L1TD1: variants seen among roughly 807,000 people sequenced by gnomAD.
L1TD1 encodes the protein LINE1 type transposase domain containing 1, also known as LINE-1 type transposase domain-containing protein 1.
In L1TD1, 26 loss-of-function variants were observed where a neutral mutation model predicts 25.7. The ratio of observed to expected loss-of-function variants is 1.01; its 90% CI spans 0.74 to 1.40. L1TD1 has a LOEUF of 1.40. L1TD1 is among the 40% of genes most tolerant of loss of function. L1TD1 has a pLI of 0.00. For synonymous variants in L1TD1, 421 were observed against 335.6 expected (o/e 1.25, Z -2.78); for missense variants, 1,130 against 975.0 (o/e 1.16, Z -2.12).
chr1:62,206,767 G>A lies in L1TD1; in HGVS notation c.139G>A (p.Asp47Asn), dbSNP rs946358546. 2.6e-6 allele frequency: 4 copies of A among 1,558,020 alleles called. No individual in the cohort carries two copies. In the South Asian group the frequency reaches 4.7e-5, roughly 18 times the overall value. ...TCCGGTATTAGATTTAAAATGCAAG[G>A]ACGTATCAGCAATTATGAATAAGTT... The part of the protein sequence containing the change: ...IAPVLDLKCK[D>N]VSAIMNKFKV... Residue 47 changes from aspartate (D) to asparagine (N), a missense_variant, in exon 3 of 4, where the codon GAC becomes AAC. Transcript: ENST00000498273.
intron 2 of L1TD1, among the ~76,000 whole-genome samples, chr1:62,197,400 TATATATATA>T (rs1670563918): frequency 1.4e-4 from 16 of 111,896 alleles, no homozygotes; most frequent in African/African-American, 4.6e-4. Flanking sequence ...AAATAAATTA[TATATATATA>T]TATATATATA....
chr1:62,204,692 GTGCCC>G (rs1283391685), intron 2 of L1TD1, among the ~76,000 whole-genome samples: 2 of 151,826 alleles, frequency 1.3e-5, no homozygotes, highest in African/African-American at 4.8e-5. Context: ...GTGTGGCACC[GTGCCC>G]TGCTTGAAAT....
At chr1:62,197,645 G>C (rs1042825080) in intron 2 of L1TD1, among the ~76,000 whole-genome samples, 1 of 151,916 alleles carries the variant, frequency 6.6e-6, no homozygotes, top group Admixed American at 6.6e-5. Context: ...TTGGGAGGCC[G>C]AGGTGGGCGG....
intron 3 of L1TD1, among the ~76,000 whole-genome samples, chr1:62,209,273 A>C (rs1282905131): frequency 1.3e-5 from 2 of 148,948 alleles, no homozygotes; most frequent in Admixed American, 1.4e-4. Flanking sequence ...GCTAGAGTGT[A>C]AACTGCAATT....
At chr1:62,201,021 C>T (rs940113693) in intron 2 of L1TD1, among the ~76,000 whole-genome samples, 17 of 151,828 alleles carry the variant, frequency 1.1e-4, no homozygotes, top group Non-Finnish European at 2.1e-4. Flanking sequence ...CTCTGTCTAC[C>T]GAGGTCAAGT....
chr1:62,200,083 T>C (rs1670612884), intron 2 of L1TD1, among the ~76,000 whole-genome samples: 1 of 152,180 alleles, frequency 6.6e-6, no homozygotes, highest in Non-Finnish European at 1.5e-5. Context: ...TTATTATGTA[T>C]GGTATAATTT....
At chr1:62,197,292 C>G (rs894923818) in intron 2 of L1TD1, among the ~76,000 whole-genome samples, 2 of 151,096 alleles carry the variant, frequency 1.3e-5, no homozygotes. Context: ...GAGGCTGAGG[C>G]AGGAGAATCG....
chr1:62,210,905 G>C lies in L1TD1; in HGVS notation c.2131G>C (p.Glu711Gln). Residue 711 changes from glutamate (E) to glutamine (Q), a missense_variant, in exon 4 of 4, where the codon GAG (glutamate) becomes CAG (glutamine). Glu to Gln is a conservative substitution (Grantham distance 29). Coordinates refer to ENST00000498273, the MANE Select transcript of L1TD1 (RefSeq NM_019079.5). Reference protein sequence around the residue: ...NIRLIGIPEKESYENRAEDII... With the variant: ...NIRLIGIPEKQSYENRAEDII... ...TCGTTTGATAGGAATTCCAGAAAAG[G>C]AGAGTTATGAGAATAGGGCAGAGGA... 1.3e-6 allele frequency: 2 copies of C among 1,551,404 alleles called. No homozygotes were observed. The highest frequency in any genetic ancestry group is 1.7e-6 in the Non-Finnish European group (2 of 1,146,920).
rs1489570866 is a variant in L1TD1 at position 62,210,842 on chromosome 1, C to T, written c.2068C>T (p.Gln690Ter). 4 of 1,549,040 alleles carry T rather than the reference C, an allele frequency of 2.6e-6. No individual in the cohort carries two copies. In the South Asian group the frequency reaches 4.8e-5, roughly 19 times the overall value. Residue 690 changes from glutamine to a stop codon, truncating the protein, a stop_gained, in exon 4 of 4, where the codon CAA becomes TAA. Transcript: ENST00000498273. LOFTEE classifies it low-confidence loss of function (END_TRUNC). The stretch of plus-strand genomic sequence containing the variant: ...CAAACAGATAATTAGTAAAGAAAGG[C>T]AAAGAGATATAGAGGAGAGATCTAG... The part of the protein sequence containing the change: ...MTKQIISKER[Q>*]RDIEERSRSC...
At position 62,197,418 on chromosome 1, in the gene L1TD1, T is replaced by C. The variant is rs1208818501; in HGVS notation, c.-111+890T>C. On this transcript the variant is annotated intron_variant, in intron 2 of 3. Coordinates refer to ENST00000498273, the MANE Select transcript of L1TD1 (RefSeq NM_019079.5). Reference sequence around the variant, plus strand: ...TAAATTATATATATATATATATATATATATATATATATATAGTTTAGTCCT... The same window carrying C: ...TAAATTATATATATATATATATATACATATATATATATATAGTTTAGTCCT... Among the ~76,000 whole-genome samples, 3 of 83,162 alleles carry C rather than the reference T, an allele frequency of 3.6e-5. No homozygotes were observed. In the South Asian group the frequency reaches 1.2e-3, roughly 33 times the overall value. The allele number at this position is 83,162 out of a possible 152,430, so 54.6% of individuals were successfully genotyped here.
chr1:62,204,423 A>G (rs570965612), intron 2 of L1TD1, among the ~76,000 whole-genome samples: 2 of 152,296 alleles, frequency 1.3e-5, no homozygotes, highest in Admixed American at 6.5e-5. Flanking sequence ...AAGTTTCTCC[A>G]TTAGTTTGAC....
chr1:62,207,857 C>T (rs1291807613), intron 3 of L1TD1, among the ~76,000 whole-genome samples: 1 of 152,098 alleles, frequency 6.6e-6, no homozygotes, highest in Non-Finnish European at 1.5e-5. Flanking sequence ...GGATTACAGG[C>T]ATGCACCACC....
chr1:62,198,345 A>G (rs1185534499), intron 2 of L1TD1, among the ~76,000 whole-genome samples: 1 of 152,014 alleles, frequency 6.6e-6, no homozygotes, highest in East Asian at 1.9e-4. Flanking sequence ...CAAAAACACA[A>G]AAGTCACCTG....
In L1TD1 at chr1:62,207,641, G is replaced by A. The variant is rs1670779723; in HGVS notation, c.1008+5G>A. 1.3e-6 allele frequency: 2 copies of A among 1,519,702 alleles called. No individual in the cohort carries two copies. Among genetic ancestry groups the A allele is most frequent in the South Asian group, 2.5e-5 (2 of 78,784 alleles). The allele number at this position is 1,519,702 out of a possible 1,614,324, so 94.1% of individuals were successfully genotyped here. A position where few individuals can be genotyped will look rare whatever the true frequency, so the allele number is the denominator to read the frequency against. The stretch of plus-strand genomic sequence containing the variant: ...TATGGAATTCAAGAAAAAAGGGTAA[G>A]CATACAAATGTATAAATGTATAAAG... On this transcript the variant is annotated splice_donor_5th_base_variant and intron_variant, in intron 3 of 3. Coordinates refer to ENST00000498273, the MANE Select transcript of L1TD1 (RefSeq NM_019079.5).
intron 2 of L1TD1, among the ~76,000 whole-genome samples, chr1:62,200,667 G>T (rs1284518257): frequency 6.6e-6 from 1 of 152,040 alleles, no homozygotes; most frequent in Non-Finnish European, 1.5e-5. Flanking sequence ...GTATTCCTAA[G>T]TGTACAGGTG....
intron 3 of L1TD1, 55 bp from the exon 4 acceptor site, chr1:62,209,728 A>C: frequency 7.6e-7 from 1 of 1,322,820 alleles, no homozygotes; most frequent in Non-Finnish European, 1.0e-6. Context: ...AATTCTTTAA[A>C]AGACAAATGA....
chr1:62,202,218 T>C (rs564137832), intron 2 of L1TD1, among the ~76,000 whole-genome samples: 7 of 152,146 alleles, frequency 4.6e-5, no homozygotes, highest in African/African-American at 1.7e-4. Flanking sequence ...GAGAATCGCT[T>C]GAACCTGGGA....
chr1:62,211,315 A>G lies in L1TD1; in HGVS notation c.2541A>G (p.Arg847=). The G allele has an allele frequency of 6.2e-7, 1 of 1,613,328 alleles. No homozygotes were observed. Among genetic ancestry groups the G allele is most frequent in the Non-Finnish European group, 8.5e-7 (1 of 1,179,792 alleles). Residue 847 remains arginine (R), a synonymous_variant, in exon 4 of 4, where the codon AGA becomes AGG. Transcript: ENST00000498273. ...TATTTCTTAGTATTGAAGAATTTAG[A>G]GATTATGTTTTGCATATGCCCACCT... ...TKVFLSIEEF[R]DYVLHMPTLR...
chr1:62,196,449 C>T lies in L1TD1; in HGVS notation c.-190C>T, dbSNP rs1202759748. 2 of 152,152 alleles carry T rather than the reference C, an allele frequency of 1.3e-5. No individual in the cohort carries two copies. Among genetic ancestry groups the T allele is most frequent in the Non-Finnish European group, 1.5e-5 (1 of 68,064 alleles). The allele number at this position is 152,152 out of a possible 1,614,324, so 9.4% of individuals were successfully genotyped here. On this transcript the variant is annotated 5_prime_UTR_variant, in exon 2 of 4. Coordinates refer to ENST00000498273, the MANE Select transcript of L1TD1 (RefSeq NM_019079.5). ...TTGAATTCTAGGCACCAAGGCACAG[C>T]TTAGAGTAGACCCGAGTCCTGCTCT... is the stretch of plus-strand genomic sequence containing the variant.
Sources: allele counts gnomAD v4.1 joint callset (sites outside exome capture counted in the v4.1 genomes callset), GRCh38; gene constraint gnomAD v4.1.1; transcripts MANE v1.5; gene names NCBI Gene and HGNC (gene_info 2026-07-23, HGNC 2026-07-21).